Variants in RAI1 observed in about 807,000 individuals in gnomAD.
RAI1 encodes retinoic acid-induced protein 1.
A neutral mutation model predicts 123.8 loss-of-function variants in RAI1; 9 were observed. That is an observed-to-expected ratio of 0.07 (90% CI 0.04 to 0.13). The LOEUF is 0.13. RAI1 is among the 10% of genes least tolerant of loss of function. The pLI, the probability that RAI1 is intolerant of heterozygous loss-of-function variation, is 1.00. For synonymous variants in RAI1, 1,231 were observed against 1,127.3 expected (o/e 1.09, Z -1.84); for missense variants, 2,256 against 2,545.8 (o/e 0.89, Z 2.45).
intron 1 of RAI1, among the ~76,000 whole-genome samples, chr17:17,723,519 G>C (rs987127043): frequency 6.6e-6 from 1 of 151,182 alleles, no homozygotes; most frequent in South Asian, 2.1e-4. Flanking sequence ...ACACACGCCT[G>C]CGCGCGCGCG....
chr17:17,765,022 T>C (rs1598062939), intron 2 of RAI1, among the ~76,000 whole-genome samples: 3 of 152,264 alleles, frequency 2.0e-5, no homozygotes, highest in Non-Finnish European at 4.4e-5. Context: ...ACACTTGGAT[T>C]GTTTATAATC....
chr17:17,794,680 A>C lies in RAI1; in HGVS notation c.1732A>C (p.Ser578Arg). 6.2e-7 allele frequency: 1 copy of C among 1,612,938 alleles called. No homozygotes were observed. Among genetic ancestry groups the C allele is most frequent in the Non-Finnish European group, 8.5e-7 (1 of 1,180,038 alleles). The part of the protein sequence containing the change: ...SDDSFQSLHG[S>R]LPLDSFSKFV... ...CGACTCCTTCCAGAGCCTACACGGC[A>C]GTCTGCCGCTCGACAGCTTCTCCAA... Residue 578 changes from serine to arginine, a missense_variant, in exon 3 of 6, where the codon AGT becomes CGT. By Grantham distance (110) the Ser-to-Arg change is moderately radical. This residue lies in a region of RAI1 where 357 missense variants were observed against 480.2 expected (regional missense o/e 0.74). Transcript: ENST00000353383.
At chr17:17,745,241 A>G (rs1007253077) in intron 2 of RAI1, among the ~76,000 whole-genome samples, 5 of 152,004 alleles carry the variant, frequency 3.3e-5, no homozygotes, top group Admixed American at 6.6e-5. Context: ...TTGGAAGAGC[A>G]TATTCTAAGG....
chr17:17,683,601 C>G (rs528458732), intron 1 of RAI1: 1 of 152,218 alleles, frequency 6.6e-6, no homozygotes. Flanking sequence ...TTGCGTGACA[C>G]AGAAGTGGAC....
Position 17,793,352 on chromosome 17 carries a change from C to T in RAI1, c.404C>T (p.Pro135Leu). The T allele has an allele frequency of 1.2e-6, 2 of 1,612,994 alleles. No individual in the cohort carries two copies. The highest frequency in any genetic ancestry group is 8.5e-7 in the Non-Finnish European group (1 of 1,179,832). The change falls in exon 3 of 6, where the codon CCT (proline) becomes CTT (leucine). Residue 135 changes from proline to leucine, a missense_variant. Around this residue, in one of 7 missense-constraint regions of RAI1, gnomAD observed 336 missense variants for 349.8 expected, o/e 0.96. Transcript: ENST00000353383. ...QPPPPQPQPL[P>L]AGVAKYDENL... The stretch of plus-strand genomic sequence containing the variant: ...CCACCCCCACAGCCGCAGCCACTAC[C>T]TGCAGGGGTGGCCAAGTATGATGAG...
chr17:17,691,590 A>G (rs77522125), intron 1 of RAI1, among the ~76,000 whole-genome samples: 1,878 of 152,314 alleles, frequency 0.012, 21 homozygotes, highest in African/African-American at 0.034. Flanking sequence ...AGAGGCAGAA[A>G]GTGCAGGAGT....
intron 2 of RAI1, among the ~76,000 whole-genome samples, chr17:17,752,506 G>C (rs2030236710): frequency 6.6e-6 from 1 of 152,204 alleles, no homozygotes; most frequent in Non-Finnish European, 1.5e-5. Flanking sequence ...CTGGGATAGG[G>C]GTGAGTGCTC....
In RAI1 at chr17:17,796,169, T is replaced by C; in HGVS notation, c.3221T>C (p.Leu1074Pro). The C allele has an allele frequency of 6.4e-7, 1 of 1,558,726 alleles. No individual in the cohort carries two copies. Among genetic ancestry groups the C allele is most frequent in the South Asian group, 1.2e-5 (1 of 84,558 alleles). ...CCCCGCACGCCCGGACCCCCAGGCC[T>C]GACCACCACCCCTGCACCCCCAGAC... is the stretch of plus-strand genomic sequence containing the variant. ...SEPRTPGPPG[L>P]TTTPAPPDKL... Residue 1074 changes from leucine (L) to proline (P), a missense_variant, in exon 3 of 6, where the codon CTG (leucine) becomes CCG (proline). By Grantham distance (98) the Leu-to-Pro change is moderately conservative. This residue lies in a region of RAI1 where 566 missense variants were observed against 616.0 expected (regional missense o/e 0.92). Coordinates refer to ENST00000353383, the MANE Select transcript of RAI1 (RefSeq NM_030665.4). This position sits in a 1 kb window ranked among gnomAD's most constrained non-coding sequence, Gnocchi z 5.8.
intron 3 of RAI1, 36 bp from the exon 4 acceptor site, chr17:17,803,720 C>A (rs1301269664): frequency 5.0e-6 from 8 of 1,587,988 alleles, no homozygotes; most frequent in East Asian, 4.5e-5. Flanking sequence ...TGGGCTCCAA[C>A]TGGAGACTCA....
rs576163636 is a variant in RAI1, at chr17:17,801,048, C to T, written c.5565+2535C>T. 1.2e-4 allele frequency among the ~76,000 whole-genome samples: 18 copies of T among 152,320 alleles called. No individual in the cohort carries two copies. Among genetic ancestry groups the T allele is most frequent in the African/African-American group, 4.3e-4 (18 of 41,562 alleles). On this transcript the variant is annotated intron_variant, in intron 3 of 5. Transcript: ENST00000353383. The surrounding 1 kb of genome is among the most constrained non-coding windows in gnomAD (Gnocchi z 4.1). Reference sequence around the variant, plus strand: ...CCCTGGCCCCAGCACTGCCACACCCCTCGGTACCTTGACCTCACTTTTGCG... The same window carrying T: ...CCCTGGCCCCAGCACTGCCACACCCTTCGGTACCTTGACCTCACTTTTGCG...
rs1431062315 is a variant in RAI1, at chr17:17,796,669, T to C, written c.3721T>C (p.Leu1241=). 2 of 1,612,692 alleles carry C rather than the reference T, an allele frequency of 1.2e-6. No individual in the cohort carries two copies. The highest frequency in any genetic ancestry group is 3.3e-5 in the Admixed American group (2 of 59,974). Residue 1241 remains leucine, a synonymous_variant, in exon 3 of 6, where the codon TTG becomes CTG. Coordinates refer to ENST00000353383, the MANE Select transcript of RAI1 (RefSeq NM_030665.4). This position sits in a 1 kb window ranked among gnomAD's most constrained non-coding sequence, Gnocchi z 5.8. ...CCCCACCAAGAAGCGGAACCTGGTC[T>C]TGCGGAGCCGCAGCAGCAGCAGCAG... ...PVPTKKRNLV[L]RSRSSSSSNA...
In RAI1 at chr17:17,800,746, T is replaced by C. The variant is rs1010995784; in HGVS notation, c.5565+2233T>C. Among the ~76,000 whole-genome samples the C allele has an allele frequency of 3.3e-5, 5 of 152,332 alleles. No homozygotes were observed. The highest frequency in any genetic ancestry group is 2.6e-4 in the Admixed American group (4 of 15,302). On this transcript the variant is annotated intron_variant, in intron 3 of 5. Transcript: ENST00000353383. This position sits in a 1 kb window ranked among gnomAD's most constrained non-coding sequence, Gnocchi z 4.7. ...AACCAGGAACACCCTGCCAGACAGA[T>C]GGGACATCCTGGGAGAATGGGCAGA...
In RAI1 at chr17:17,793,230, G is replaced by T. The variant is rs1334421949; in HGVS notation, c.282G>T (p.Arg94Ser). Residue 94 changes from arginine (R) to serine (S), a missense_variant, in exon 3 of 6, where the codon AGG becomes AGT. Around this residue, in one of 7 missense-constraint regions of RAI1, gnomAD observed 336 missense variants for 349.8 expected, o/e 0.96. Transcript: ENST00000353383. ...ALPTQQGLQG[R>S]PAFPGYGVQD... ...CCACACAGCAAGGCCTGCAGGGGAG[G>T]CCGGCTTTCCCTGGCTACGGCGTCC... 1 of 1,611,748 alleles carries T rather than the reference G, an allele frequency of 6.2e-7. No homozygotes were observed.
At chr17:17,764,755 C>T (rs1325550895) in intron 2 of RAI1, among the ~76,000 whole-genome samples, 1 of 152,208 alleles carries the variant, frequency 6.6e-6, no homozygotes, top group East Asian at 1.9e-4. Flanking sequence ...CCTGCCACCA[C>T]GCCTAACTAA....
At chr17:17,808,645 C>T (rs940503681) in intron 4 of RAI1, among the ~76,000 whole-genome samples, 1 of 151,972 alleles carries the variant, frequency 6.6e-6, no homozygotes, top group Non-Finnish European at 1.5e-5. Context: ...TGAGGTTTTG[C>T]CATGTTGCCC....
intron 2 of RAI1, among the ~76,000 whole-genome samples, chr17:17,784,057 A>C (rs551354485): frequency 2.0e-5 from 3 of 152,088 alleles, no homozygotes; most frequent in Non-Finnish European, 4.4e-5. Flanking sequence ...AATTATACCA[A>C]GCAGTTTGCG....
At chr17:17,718,229 T>C (rs1211041707) in intron 1 of RAI1, among the ~76,000 whole-genome samples, 1 of 152,070 alleles carries the variant, frequency 6.6e-6, no homozygotes, top group African/African-American at 2.4e-5. Context: ...GTGGGCCAGA[T>C]TAGCCTCCAT....
At chr17:17,692,023 C>T (rs1598014238) in intron 1 of RAI1, among the ~76,000 whole-genome samples, 1 of 152,204 alleles carries the variant, frequency 6.6e-6, no homozygotes, top group East Asian at 1.9e-4. Context: ...CACCGTGGCC[C>T]GAAATAGCAC....
At chr17:17,735,284 C>T (rs1567859540) in intron 2 of RAI1, among the ~76,000 whole-genome samples, 1 of 151,086 alleles carries the variant, frequency 6.6e-6, no homozygotes, top group East Asian at 1.9e-4. Context: ...GAACTCCTGT[C>T]CTCAGGTGAT....
Sources: allele counts gnomAD v4.1 joint callset (sites outside exome capture counted in the v4.1 genomes callset), GRCh38; gene constraint gnomAD v4.1.1; regional missense constraint gnomAD v4.1.1; non-coding constraint Gnocchi (gnomAD v3.1); transcripts MANE v1.5; gene names NCBI Gene and HGNC (gene_info 2026-07-23, HGNC 2026-07-21).